RYR1: variants seen among roughly 807,000 people sequenced by gnomAD.
RYR1 encodes central core disease of muscle.
RYR1 carries 342 observed loss-of-function variants against 583.5 expected under a neutral mutation model. The ratio of observed to expected loss-of-function variants is 0.59; its 90% CI spans 0.54 to 0.64. The LOEUF (loss-of-function observed/expected upper bound fraction) is 0.64. Among genes scored for constraint, RYR1 ranks in the 30% least tolerant of loss-of-function variants. The pLI is 0.00. For missense variants in RYR1, 6,032 were observed against 6,917.2 expected (o/e 0.87, Z 4.54); for synonymous variants, 2,791 against 2,822.5 (o/e 0.99, Z 0.35).
chr19:38,505,187 C>A, intron 52 of RYR1, 106 bp downstream of exon 52: 1 of 1,206,528 alleles, frequency 8.3e-7, no homozygotes, highest in South Asian at 1.3e-5. Context: ...CCCCAGCCTT[C>A]CCTAAGACCC....
chr19:38,577,105 C>T (rs1350841156), intron 97 of RYR1, among the ~76,000 whole-genome samples: 2 of 151,996 alleles, frequency 1.3e-5, no homozygotes, highest in Non-Finnish European at 2.9e-5. Flanking sequence ...AGGCTGATCT[C>T]GAACTCCTGA....
rs1599641385 is a variant in RYR1, at chr19:38,567,910, A to G, written c.13652A>G (p.Lys4551Arg). The change falls in exon 93 of 106, where the codon AAG becomes AGG. Residue 4551 changes from lysine (K) to arginine (R), a missense_variant. Coordinates refer to ENST00000359596, the MANE Select transcript of RYR1 (RefSeq NM_000540.3). ...GGAGAACTGGAGGTGCAGAGGGTGA[A>G]GTTCCTGGTAAGGATCCAGCCAGGT... ...FWGELEVQRVKFLNYLSRNFY... is the reference protein window; with the variant it reads ...FWGELEVQRVRFLNYLSRNFY... 6.2e-7 allele frequency: 1 copy of G among 1,613,296 alleles called. No individual in the cohort carries two copies. The highest frequency in any genetic ancestry group is 8.5e-7 in the Non-Finnish European group (1 of 1,179,944).
intron 89 of RYR1, among the ~76,000 whole-genome samples, chr19:38,554,708 A>C (rs1972808744): frequency 6.6e-6 from 1 of 151,964 alleles, no homozygotes; most frequent in East Asian, 1.9e-4. Flanking sequence ...CCTGGGTTTA[A>C]GGGATCCTCC....
chr19:38,528,922 C>T (rs1335073107), intron 75 of RYR1, 29 bp from the exon 76 acceptor site: 2 of 1,600,598 alleles, frequency 1.2e-6, no homozygotes, highest in South Asian at 2.2e-5. Context: ...TCTAGAAACC[C>T]TCTCCCCAAG....
intron 48 of RYR1, 54 bp downstream of exon 48, chr19:38,502,781 A>C (rs1187937228): frequency 4.2e-6 from 2 of 475,262 alleles, no homozygotes; most frequent in Non-Finnish European, 6.8e-6. Context: ...GGGCAGGGGC[A>C]GGGGCAGGGG....
intron 1 of RYR1, among the ~76,000 whole-genome samples, chr19:38,434,805 G>A (rs1265862478): frequency 2.0e-5 from 3 of 152,148 alleles, no homozygotes; most frequent in Non-Finnish European, 4.4e-5. Flanking sequence ...CTCTGGGCTA[G>A]GTCTGCTGAC....
At chr19:38,510,156 A>T (rs1970661504) in intron 58 of RYR1, among the ~76,000 whole-genome samples, 1 of 152,148 alleles carries the variant, frequency 6.6e-6, no homozygotes, top group Non-Finnish European at 1.5e-5. Flanking sequence ...CCTTGGCTGT[A>T]CTAAAAATAC....
chr19:38,455,146 G>T, intron 13 of RYR1, 89 bp from the exon 14 acceptor site: 1 of 1,469,458 alleles, frequency 6.8e-7, no homozygotes, highest in Admixed American at 1.7e-5. Context: ...ACTAGTTGTT[G>T]AAGGAATATG....
intron 89 of RYR1, among the ~76,000 whole-genome samples, chr19:38,559,467 C>T (rs1460306285): frequency 1.3e-5 from 2 of 151,958 alleles, no homozygotes; most frequent in African/African-American, 4.8e-5. Flanking sequence ...CTCCTGACCT[C>T]AGGTGATCCA....
chr19:38,492,374 AAAAG>A (rs1969589129), intron 37 of RYR1, 112 bp from the exon 38 acceptor site: 1 of 1,210,100 alleles, frequency 8.3e-7, no homozygotes, highest in Admixed American at 2.2e-5. Flanking sequence ...AAAAAAAAAA[AAAAG>A]GAAATGAAAA....
chr19:38,582,393 G>A (rs748143959), intron 101 of RYR1, among the ~76,000 whole-genome samples: 19 of 147,858 alleles, frequency 1.3e-4, no homozygotes, highest in Non-Finnish European at 2.2e-4. Flanking sequence ...GTGAAACTCC[G>A]TCTCAAAAAA....
At chr19:38,567,749 A>T in intron 92 of RYR1, 24 bp from the exon 93 acceptor site, 1 of 1,613,900 alleles carries the variant, frequency 6.2e-7, no homozygotes, top group Non-Finnish European at 8.5e-7. Flanking sequence ...GCACCTCCTG[A>T]CCTCTCTCTG....
intron 30 of RYR1, 142 bp downstream of exon 30, chr19:38,478,012 C>A: frequency 1.2e-6 from 1 of 805,514 alleles, no homozygotes. Context: ...GCACTGGGCA[C>A]CCAGCTCGGA....
In RYR1 at chr19:38,473,648, A is replaced by G; in HGVS notation, c.4037A>G (p.Asn1346Ser). Residue 1346 changes from asparagine to serine, a missense_variant, in exon 28 of 106, where the codon AAC becomes AGC. This residue lies in a region of RYR1 where 2,627 missense variants were observed against 2,961.3 expected (regional missense o/e 0.89). Coordinates refer to ENST00000359596, the MANE Select transcript of RYR1 (RefSeq NM_000540.3). ...GCTGGGGGCTGGAGCGAGGCAGAGA[A>G]CGGCAAAGAAGGGACTGCGAAGGAG... is the stretch of plus-strand genomic sequence containing the variant. ...RSAGGWSEAE[N>S]GKEGTAKEGA... The G allele has an allele frequency of 1.3e-6, 2 of 1,556,926 alleles. No homozygotes were observed. Among genetic ancestry groups the G allele is most frequent in the Non-Finnish European group, 1.7e-6 (2 of 1,150,388 alleles).
At chr19:38,511,281 G>A (rs1197854736) in intron 60 of RYR1, among the ~76,000 whole-genome samples, 1 of 152,108 alleles carries the variant, frequency 6.6e-6, no homozygotes, top group Non-Finnish European at 1.5e-5. Flanking sequence ...GGGTGACAGA[G>A]CAAGACCCTG....
At chr19:38,437,676 C>T (rs1233026059) in intron 1 of RYR1, among the ~76,000 whole-genome samples, 2 of 151,914 alleles carry the variant, frequency 1.3e-5, no homozygotes, top group African/African-American at 4.8e-5. Context: ...TTTAGCTGGG[C>T]GTGGCAGTGT....
Position 38,505,883 on chromosome 19 carries a change from C to T in RYR1, c.8478C>T (p.Ala2826=), listed in dbSNP as rs969476124. The T allele has an allele frequency of 1.9e-6, 3 of 1,613,698 alleles. No homozygotes were observed. In the African/African-American group the frequency reaches 4.0e-5, roughly 22 times the overall value. The change falls in exon 54 of 106, where the codon GCC becomes GCT. Residue 2826 remains alanine, a synonymous_variant. Transcript: ENST00000359596. The part of the protein sequence containing the change: ...MIAWEWTIEK[A]REGEEEKTEK... ...CCTGGGAATGGACGATAGAGAAGGC[C>T]AGGGAGGGTGAGGAGGAGAAGACGG...
intron 101 of RYR1, among the ~76,000 whole-genome samples, chr19:38,583,403 C>G (rs563719496): frequency 2.0e-5 from 3 of 151,320 alleles, no homozygotes; most frequent in South Asian, 2.1e-4. Flanking sequence ...CTCTTGAACT[C>G]GGTGGTGGAG....
rs772640123 is a variant in RYR1 at position 38,537,995 on chromosome 19, G to A, written c.11689+35G>A. The A allele has an allele frequency of 7.0e-5, 112 of 1,594,552 alleles. No homozygotes were observed. In the Admixed American group the frequency reaches 1.7e-3, roughly 24 times the overall value. On this transcript the variant is annotated intron_variant, in intron 84 of 105. Transcript: ENST00000359596. ...AGGGGTGTGGGGTGGAGGGGAAGCC[G>A]AGGTTTGGGGCTGGTACGGAAGGGT...
Sources: gnomAD v4.1 joint callset for allele counts (sites outside exome capture counted in the v4.1 genomes callset) on GRCh38, gnomAD v4.1.1 for gene constraint, gnomAD v4.1.1 regional missense constraint, MANE v1.5 for transcripts, NCBI Gene and HGNC (gene_info 2026-07-23, HGNC 2026-07-21) for gene names.